The following ADGRV1 variants were observed in gnomAD, a reference collection of about 807,000 sequenced individuals.
ADGRV1 encodes the protein adhesion G protein-coupled receptor V1.
In ADGRV1, 359 loss-of-function variants were observed where a neutral mutation model predicts 596.2. That is an observed-to-expected ratio of 0.60 (90% CI 0.55 to 0.66). The LOEUF (loss-of-function observed/expected upper bound fraction) is 0.66, where lower values mean the gene tolerates loss of function less well. Among genes scored for constraint, ADGRV1 ranks in the 30% least tolerant of loss-of-function variants. ADGRV1 has a pLI of 0.00. For missense variants in ADGRV1, 7,274 were observed against 7,575.6 expected (o/e 0.96, Z 1.48); for synonymous variants, 2,681 against 2,679.2 (o/e 1.00, Z -0.02).
At chr5:90,707,983 A>ATAT (rs1316702466) in intron 38 of ADGRV1, among the ~76,000 whole-genome samples, 2 of 152,142 alleles carry the variant, frequency 1.3e-5, no homozygotes, top group Admixed American at 1.3e-4. Context: ...GTTGGTCCAT[A>ATAT]TATTACATAA....
chr5:91,014,136 C>CACACACACACACACACACACACACA lies in ADGRV1; in HGVS notation c.18152+28614_18152+28615insACACACACACACACACACACACACA, dbSNP rs1782962720. On this transcript the variant is annotated intron_variant, in intron 85 of 89. Transcript: ENST00000405460. The stretch of plus-strand genomic sequence containing the variant: ...TCATAGGCAATCCCATTCACAATTG[C>CACACACACACACACACACACACACA]CACACACACACACACACACACACAC... 6.4e-4 allele frequency among the ~76,000 whole-genome samples: 23 copies of CACACACACACACACACACACACACA among 35,690 alleles called. 1 individual carries two copies. Among genetic ancestry groups the CACACACACACACACACACACACACA allele is most frequent in the African/African-American group, 1.9e-3 (22 of 11,362 alleles). The allele number at this position is 35,690 out of a possible 152,430, so 23.4% of individuals were successfully genotyped here. A position where few individuals can be genotyped will look rare whatever the true frequency, so the allele number is the denominator to read the frequency against.
chr5:90,948,761 A>G (rs1464126910), intron 83 of ADGRV1, among the ~76,000 whole-genome samples: 2 of 152,178 alleles, frequency 1.3e-5, no homozygotes, highest in African/African-American at 4.8e-5. Context: ...CTATTTTATA[A>G]TAAAGTGTTT....
intron 21 of ADGRV1, among the ~76,000 whole-genome samples, chr5:90,668,453 C>G (rs1484253912): frequency 6.6e-6 from 1 of 152,198 alleles, no homozygotes; most frequent in Non-Finnish European, 1.5e-5. Context: ...GAGGCAATGC[C>G]TCACCCTGCT....
chr5:90,737,059 A>AT (rs1257801360), intron 50 of ADGRV1, among the ~76,000 whole-genome samples: 3 of 147,578 alleles, frequency 2.0e-5, no homozygotes, highest in Non-Finnish European at 4.5e-5. Flanking sequence ...TTTATTTGAG[A>AT]TTTTATTTCT....
At chr5:91,134,453 C>A (rs891916697) in intron 87 of ADGRV1, among the ~76,000 whole-genome samples, 6 of 152,152 alleles carry the variant, frequency 3.9e-5, no homozygotes, top group Non-Finnish European at 5.9e-5. Flanking sequence ...CTGGACCTCC[C>A]AAAGTGCTCA....
chr5:90,840,491 A>T (rs1036619269), intron 77 of ADGRV1, 87 bp from the exon 78 acceptor site: 9 of 1,158,332 alleles, frequency 7.8e-6, no homozygotes, highest in Admixed American at 2.7e-5. Context: ...TTTAAGAGAA[A>T]TTGAATTTGT....
At position 91,065,632 on chromosome 5, in the gene ADGRV1, G is replaced by T. The variant is rs558732781; in HGVS notation, c.18153-6815G>T. Among the ~76,000 whole-genome samples the T allele has an allele frequency of 2.6e-5, 4 of 152,244 alleles. No homozygotes were observed. The East Asian group carries it at 7.7e-4, about 29-fold the overall frequency. Reference sequence around the variant, plus strand: ...TCCTTCTTACGAATATTTCAGACAGGAATAAAGAAGTTGAAATACTCCATG... The same window carrying T: ...TCCTTCTTACGAATATTTCAGACAGTAATAAAGAAGTTGAAATACTCCATG... On this transcript the variant is annotated intron_variant, in intron 85 of 89. Coordinates refer to ENST00000405460, the MANE Select transcript of ADGRV1 (RefSeq NM_032119.4).
At chr5:90,757,536 A>G (rs1466865567) in intron 57 of ADGRV1, among the ~76,000 whole-genome samples, 1 of 152,186 alleles carries the variant, frequency 6.6e-6, no homozygotes. Flanking sequence ...GCCAGTAAAT[A>G]TAGATATTTA....
chr5:90,679,315 G>A (rs1350982372), intron 25 of ADGRV1, among the ~76,000 whole-genome samples: 1 of 152,106 alleles, frequency 6.6e-6, no homozygotes, highest in East Asian at 1.9e-4. Context: ...GGAAGTAACA[G>A]TTACAGTCTA....
At chr5:90,806,747 A>G (rs1490864405) in intron 72 of ADGRV1, among the ~76,000 whole-genome samples, 1 of 152,228 alleles carries the variant, frequency 6.6e-6, no homozygotes, top group Admixed American at 6.5e-5. Context: ...TGTATCTTCA[A>G]ACAGGTTCAT....
At chr5:91,096,328 C>T (rs1038070599) in intron 86 of ADGRV1, among the ~76,000 whole-genome samples, 3 of 152,164 alleles carry the variant, frequency 2.0e-5, no homozygotes, top group African/African-American at 7.2e-5. Context: ...CAACACCATA[C>T]TTTCTTTAAA....
At chr5:90,925,327 T>C (rs1194369146) in intron 83 of ADGRV1, among the ~76,000 whole-genome samples, 4 of 151,190 alleles carry the variant, frequency 2.6e-5, no homozygotes, top group Admixed American at 6.6e-5. Context: ...TTTGTAGTTC[T>C]CCTTGAAGAG....
At chr5:90,860,400 A>G (rs1044739934) in intron 82 of ADGRV1, among the ~76,000 whole-genome samples, 18 of 152,010 alleles carry the variant, frequency 1.2e-4, no homozygotes, top group African/African-American at 4.1e-4. Flanking sequence ...TCCAGGGTTC[A>G]AGCACTTCTC....
chr5:90,644,193 A>G (rs1767394609), intron 14 of ADGRV1, among the ~76,000 whole-genome samples: 1 of 152,174 alleles, frequency 6.6e-6, no homozygotes, highest in South Asian at 2.1e-4. Context: ...CTTCAGTTAT[A>G]TTTTGATACC....
intron 85 of ADGRV1, among the ~76,000 whole-genome samples, chr5:91,032,166 C>T (rs1207325695): frequency 6.6e-6 from 1 of 152,166 alleles, no homozygotes; most frequent in East Asian, 1.9e-4. Flanking sequence ...ACAGCCAGTG[C>T]AAAGGCCCTA....
At chr5:91,034,543 T>C (rs1784719413) in intron 85 of ADGRV1, among the ~76,000 whole-genome samples, 1 of 152,178 alleles carries the variant, frequency 6.6e-6, no homozygotes, top group Non-Finnish European at 1.5e-5. Context: ...GCCTAATTCC[T>C]TATCACAAGA....
At chr5:90,957,276 A>T (rs968401242) in intron 83 of ADGRV1, among the ~76,000 whole-genome samples, 2 of 152,102 alleles carry the variant, frequency 1.3e-5, no homozygotes, top group Admixed American at 6.6e-5. Context: ...TGATGAAATA[A>T]TATCTCTAGG....
chr5:90,570,847 T>C (rs992552860), intron 1 of ADGRV1, among the ~76,000 whole-genome samples: 4 of 152,098 alleles, frequency 2.6e-5, no homozygotes, highest in Non-Finnish European at 4.4e-5. Context: ...TATATAGACA[T>C]GATTTCCCTT....
At chr5:90,685,309 G>A (rs536988438) in intron 28 of ADGRV1, among the ~76,000 whole-genome samples, 61 of 152,156 alleles carry the variant, frequency 4.0e-4, no homozygotes, top group Admixed American at 2.2e-3. Context: ...AGGGCTGGGC[G>A]CGGTGGCTTA....
Sources: gnomAD v4.1 joint callset for allele counts (sites outside exome capture counted in the v4.1 genomes callset) on GRCh38, gnomAD v4.1.1 for gene constraint, MANE v1.5 for transcripts, NCBI Gene and HGNC (gene_info 2026-07-23, HGNC 2026-07-21) for gene names.